The following UGT2A1 variants were observed in gnomAD, a reference collection of about 807,000 sequenced individuals.
UGT2A1 encodes UDP-glucuronosyltransferase 2A1.
In UGT2A1, 61 loss-of-function variants were observed where a neutral mutation model predicts 45.4. That is an observed-to-expected ratio of 1.34 (90% CI 1.09 to 1.66). The LOEUF (loss-of-function observed/expected upper bound fraction) is 1.66. Ranked by LOEUF, UGT2A1 falls within the 40% of genes most tolerant of loss-of-function variation. The pLI is 0.00. For missense variants in UGT2A1, 649 were observed against 574.3 expected, an observed-to-expected ratio of 1.13 and a Z score of -1.33; for synonymous variants, 229 against 196.2, an observed-to-expected ratio of 1.17 and a Z score of -1.40.
At chr4:69,615,902 T>A (rs773001000) in intron 3 of UGT2A1, among the ~76,000 whole-genome samples, 5 of 152,022 alleles carry the variant, frequency 3.3e-5, no homozygotes, top group Non-Finnish European at 7.4e-5. Flanking sequence ...ACAATCACAC[T>A]GCTGGGTATA....
At chr4:69,612,288 G>A (rs1720110350) in intron 3 of UGT2A1, among the ~76,000 whole-genome samples, 2 of 152,064 alleles carry the variant, frequency 1.3e-5, no homozygotes, top group Admixed American at 1.3e-4. Context: ...GATAGCTCAT[G>A]AGTTGGAAAA....
chr4:69,618,239 A>ATGTGTGTG (rs1560481884), intron 3 of UGT2A1, among the ~76,000 whole-genome samples: 1 of 116,280 alleles, frequency 8.6e-6, no homozygotes, highest in African/African-American at 3.0e-5. Flanking sequence ...GTGTGTGTGT[A>ATGTGTGTG]TGTGTGTGTT....
chr4:69,625,181 T>C (rs1296981223), intron 3 of UGT2A1, among the ~76,000 whole-genome samples: 2 of 151,038 alleles, frequency 1.3e-5, no homozygotes, highest in Non-Finnish European at 3.0e-5. Context: ...TTTTCTTTGC[T>C]AGATGAAGTA....
rs1207373012 is a variant in UGT2A1 at position 69,589,333 on chromosome 4, C to T, written c.*39G>A. The T allele has an allele frequency of 3.2e-6, 5 of 1,539,360 alleles. No homozygotes were observed. The highest frequency in any genetic ancestry group is 1.3e-5 in the South Asian group (1 of 79,426). On this transcript the variant is annotated 3_prime_UTR_variant, in exon 7 of 7. Coordinates refer to ENST00000286604, the MANE Select transcript of UGT2A1 (RefSeq NM_001252275.3). ...TAGGACTACACTACTCAGGATTTTG[C>T]CAAACTTAAAAATATATATATTTCC...
chr4:69,652,516 C>G (rs983163301), intron 1 of UGT2A1, among the ~76,000 whole-genome samples: 2 of 151,818 alleles, frequency 1.3e-5, no homozygotes, highest in Non-Finnish European at 2.9e-5. Flanking sequence ...GGTGATCCAC[C>G]CTCCTCGGCC....
At chr4:69,641,920 T>C (rs892364823) in intron 2 of UGT2A1, among the ~76,000 whole-genome samples, 1 of 151,674 alleles carries the variant, frequency 6.6e-6, no homozygotes, top group African/African-American at 2.4e-5. Context: ...ATGATCAAAT[T>C]AATCCGATCT....
At chr4:69,606,011 C>A (rs1437676733) in intron 3 of UGT2A1, among the ~76,000 whole-genome samples, 3 of 136,476 alleles carry the variant, frequency 2.2e-5, no homozygotes, top group Admixed American at 2.2e-4. Context: ...GGAGCTGGTA[C>A]CATTCCTTCT....
intron 2 of UGT2A1, chr4:69,639,093 G>C (rs753654274): frequency 6.2e-7 from 1 of 1,613,478 alleles, no homozygotes; most frequent in Non-Finnish European, 8.5e-7. Flanking sequence ...TGATGCTGGA[G>C]AGAACCTCAA....
chr4:69,652,091 C>T (rs982783013), intron 1 of UGT2A1, among the ~76,000 whole-genome samples: 5 of 152,040 alleles, frequency 3.3e-5, no homozygotes, highest in Non-Finnish European at 5.9e-5. Context: ...GCCTGATGCC[C>T]CCCAGTCAAA....
At chr4:69,644,562 T>G (rs1288365364) in intron 2 of UGT2A1, among the ~76,000 whole-genome samples, 1 of 151,724 alleles carries the variant, frequency 6.6e-6, no homozygotes, top group African/African-American at 2.4e-5. Context: ...TTTTTTTCTC[T>G]GCTTTCTTTT....
rs768791168 is a variant in UGT2A1, at chr4:69,647,044, T to C, written c.601A>G (p.Thr201Ala). Residue 201 changes from threonine to alanine, a missense_variant, in exon 2 of 7, where the codon ACC becomes GCC. Transcript: ENST00000286604. ...SYVPAVLSEL[T>A]DQMSFTDRIR... ...CTGTCAGTGAAAGACATTTGGTCGG[T>C]GAGTTCTGATAAAACAGCAGGAACA... 4 of 1,612,744 alleles carry C rather than the reference T, an allele frequency of 2.5e-6. No homozygotes were observed. The highest frequency in any genetic ancestry group is 2.5e-6 in the Non-Finnish European group (3 of 1,179,246).
chr4:69,598,723 C>T (rs1719078123), intron 4 of UGT2A1, among the ~76,000 whole-genome samples: 1 of 151,606 alleles, frequency 6.6e-6, no homozygotes, highest in African/African-American at 2.4e-5. Context: ...TTTTTTTTAA[C>T]CAATTGTTTC....
chr4:69,592,311 A>G (rs1366586174), intron 6 of UGT2A1, among the ~76,000 whole-genome samples: 2 of 152,220 alleles, frequency 1.3e-5, no homozygotes, highest in African/African-American at 4.8e-5. Context: ...GCAAGTTTAA[A>G]GCACCCACAC....
chr4:69,606,434 G>C (rs1480028197), intron 3 of UGT2A1, among the ~76,000 whole-genome samples: 2 of 136,154 alleles, frequency 1.5e-5, no homozygotes, highest in East Asian at 2.1e-4. Context: ...AAAATAATAA[G>C]AGCTATCTAT....
At chr4:69,620,207 A>G (rs1468794421) in intron 3 of UGT2A1, among the ~76,000 whole-genome samples, 4 of 152,012 alleles carry the variant, frequency 2.6e-5, no homozygotes, top group Admixed American at 1.3e-4. Context: ...TGGTTCACAC[A>G]CAACATGATT....
At chr4:69,592,086 G>T (rs908335943) in intron 6 of UGT2A1, among the ~76,000 whole-genome samples, 1 of 152,084 alleles carries the variant, frequency 6.6e-6, no homozygotes, top group African/African-American at 2.4e-5. Context: ...TTTTTGAAAT[G>T]AATACATTAG....
intron 3 of UGT2A1, among the ~76,000 whole-genome samples, chr4:69,622,750 AAG>A (rs1370173562): frequency 1.3e-5 from 2 of 151,756 alleles, no homozygotes; most frequent in African/African-American, 2.4e-5. Context: ...TAGCAAAGAG[AAG>A]GAAATCTTCA....
intron 2 of UGT2A1, among the ~76,000 whole-genome samples, chr4:69,641,345 T>C (rs1489010956): frequency 6.6e-6 from 1 of 151,916 alleles, no homozygotes; most frequent in African/African-American, 2.4e-5. Context: ...ACAATCCTAT[T>C]AGTCTGAATT....
chr4:69,608,846 C>T (rs1446901328), intron 3 of UGT2A1, among the ~76,000 whole-genome samples: 2 of 151,930 alleles, frequency 1.3e-5, no homozygotes, highest in Non-Finnish European at 2.9e-5. Flanking sequence ...CAGGCACATG[C>T]CACCATGTCC....
Sources: gnomAD v4.1 joint callset for allele counts (sites outside exome capture counted in the v4.1 genomes callset) on GRCh38, gnomAD v4.1.1 for gene constraint, MANE v1.5 for transcripts, NCBI Gene and HGNC (gene_info 2026-07-23, HGNC 2026-07-21) for gene names.